SGCZ: variants seen among roughly 807,000 people sequenced by gnomAD.
The protein encoded by SGCZ is sarcoglycan zeta, also known as zeta-sarcoglycan.
Under a neutral mutation model 41.3 loss-of-function variants are expected in SGCZ, and 40 were observed. The observed-to-expected ratio is 0.97, with a 90% CI of 0.75 to 1.26. The LOEUF (loss-of-function observed/expected upper bound fraction) is 1.26. SGCZ is among the 50% of genes most tolerant of loss of function. The pLI is 0.00. For synonymous variants in SGCZ, 206 were observed against 137.5 expected, an observed-to-expected ratio of 1.50 and a Z score of -3.49; for missense variants, 552 against 369.8, an observed-to-expected ratio of 1.49 and a Z score of -4.04.
intron 1 of SGCZ, among the ~76,000 whole-genome samples, chr8:15,139,122 C>T (rs1278932434): frequency 6.6e-6 from 1 of 152,098 alleles, no homozygotes; most frequent in Non-Finnish European, 1.5e-5. Context: ...AACATGAATG[C>T]CTTTGCTGAG....
chr8:15,081,590 T>C, intron 1 of SGCZ, among the ~76,000 whole-genome samples: 1 of 151,680 alleles, frequency 6.6e-6, no homozygotes, highest in East Asian at 1.9e-4. Flanking sequence ...AGGTTTGTAA[T>C]AAGTATTAAG....
At chr8:14,677,860 G>A (rs936997022) in intron 1 of SGCZ, among the ~76,000 whole-genome samples, 2 of 152,134 alleles carry the variant, frequency 1.3e-5, no homozygotes, top group South Asian at 2.1e-4. Flanking sequence ...CATTGAAGGA[G>A]GAGAACGAAG....
At chr8:14,897,635 G>A (rs1315686139) in intron 1 of SGCZ, among the ~76,000 whole-genome samples, 2 of 152,144 alleles carry the variant, frequency 1.3e-5, no homozygotes, top group Non-Finnish European at 2.9e-5. Context: ...TGAAGTCCCT[G>A]GAGATCATAA....
At chr8:14,961,339 C>T (rs146280818) in intron 1 of SGCZ, among the ~76,000 whole-genome samples, 94 of 152,150 alleles carry the variant, frequency 6.2e-4, no homozygotes, top group African/African-American at 2.2e-3. Context: ...TTGGAAAATA[C>T]GCTGGTTTCT....
intron 1 of SGCZ, among the ~76,000 whole-genome samples, chr8:14,979,751 C>T (rs1321047720): frequency 2.0e-5 from 3 of 152,280 alleles, no homozygotes; most frequent in African/African-American, 7.2e-5. Context: ...ATATGTTAGA[C>T]TGGTTATTAG....
At chr8:14,244,451 T>G (rs1799010356) in intron 3 of SGCZ, among the ~76,000 whole-genome samples, 1 of 152,212 alleles carries the variant, frequency 6.6e-6, no homozygotes, top group South Asian at 2.1e-4. Context: ...TACTTTGTTC[T>G]TTGAAATAAA....
chr8:14,733,169 T>C (rs1278447808), intron 1 of SGCZ, among the ~76,000 whole-genome samples: 1 of 152,110 alleles, frequency 6.6e-6, no homozygotes, highest in Non-Finnish European at 1.5e-5. Context: ...TTTGAGCCAC[T>C]GCCCACCTTC....
intron 2 of SGCZ, among the ~76,000 whole-genome samples, chr8:14,466,523 T>C (rs1585553385): frequency 6.6e-6 from 1 of 152,002 alleles, no homozygotes; most frequent in African/African-American, 2.4e-5. Flanking sequence ...TCAGTGTCAT[T>C]ATTTCCTTAA....
At chr8:14,496,206 C>A (rs888830592) in intron 2 of SGCZ, among the ~76,000 whole-genome samples, 2 of 151,356 alleles carry the variant, frequency 1.3e-5, no homozygotes, top group African/African-American at 4.9e-5. Context: ...GATGGGACTT[C>A]AGGTGCACAA....
At chr8:15,126,589 A>G (rs1807696413) in intron 1 of SGCZ, among the ~76,000 whole-genome samples, 1 of 152,190 alleles carries the variant, frequency 6.6e-6, no homozygotes, top group African/African-American at 2.4e-5. Context: ...AGGTAAATAC[A>G]AGGTCTAGCA....
chr8:14,227,610 A>T (rs1020912415), intron 4 of SGCZ, among the ~76,000 whole-genome samples: 3 of 152,126 alleles, frequency 2.0e-5, no homozygotes, highest in Admixed American at 2.0e-4. Flanking sequence ...AAATATTTTA[A>T]CCAAAGAATG....
chr8:14,276,310 C>A (rs995205266), intron 3 of SGCZ, among the ~76,000 whole-genome samples: 1 of 152,170 alleles, frequency 6.6e-6, no homozygotes, highest in East Asian at 1.9e-4. Context: ...CATCACGTCA[C>A]AGCTTCTTAG....
intron 1 of SGCZ, among the ~76,000 whole-genome samples, chr8:15,064,903 C>T (rs13273444): frequency 0.7 from 105,954 of 151,964 alleles, 38,212 homozygotes; most frequent in East Asian, 0.92. Flanking sequence ...TCTTTGGTGC[C>T]AATTTTCATT....
At chr8:14,748,481 A>G (rs1213368588) in intron 1 of SGCZ, among the ~76,000 whole-genome samples, 1 of 152,144 alleles carries the variant, frequency 6.6e-6, no homozygotes, top group Non-Finnish European at 1.5e-5. Flanking sequence ...GGTATTCCCC[A>G]TGCTTATTTA....
chr8:15,016,151 T>C (rs1803025307), intron 1 of SGCZ, among the ~76,000 whole-genome samples: 1 of 152,152 alleles, frequency 6.6e-6, no homozygotes, highest in African/African-American at 2.4e-5. Flanking sequence ...CAAAATTTCC[T>C]CCAAACATTT....
chr8:15,156,203 C>G, intron 1 of SGCZ, among the ~76,000 whole-genome samples: 1 of 152,070 alleles, frequency 6.6e-6, no homozygotes, highest in East Asian at 1.9e-4. Flanking sequence ...CAATTAATTA[C>G]TTTAAAATGG....
At chr8:15,017,129 G>C (rs986680422) in intron 1 of SGCZ, among the ~76,000 whole-genome samples, 1 of 152,128 alleles carries the variant, frequency 6.6e-6, no homozygotes, top group Non-Finnish European at 1.5e-5. Context: ...ATGGATTCAA[G>C]CCTAGATTTG....
intron 1 of SGCZ, among the ~76,000 whole-genome samples, chr8:14,635,302 T>C (rs980877133): frequency 3.3e-5 from 5 of 151,964 alleles, no homozygotes; most frequent in South Asian, 2.1e-4. Flanking sequence ...GTCACCTTTT[T>C]AGCCATGAGA....
intron 1 of SGCZ, among the ~76,000 whole-genome samples, chr8:14,827,478 G>A (rs1028189491): frequency 6.6e-6 from 1 of 151,996 alleles, no homozygotes; most frequent in Non-Finnish European, 1.5e-5. Context: ...TTCATATGAT[G>A]CACCCGCCTT....
Sources: allele counts gnomAD v4.1 joint callset (sites outside exome capture counted in the v4.1 genomes callset), GRCh38; gene constraint gnomAD v4.1.1; transcripts MANE v1.5; gene names NCBI Gene and HGNC (gene_info 2026-07-23, HGNC 2026-07-21).